Variants in GLB1L3 observed in about 807,000 individuals in gnomAD.
The protein encoded by GLB1L3 is galactosidase beta 1 like 3.
In GLB1L3, 89 loss-of-function variants were observed where a neutral mutation model predicts 89.5. That is an observed-to-expected ratio of 0.99 (90% CI 0.84 to 1.19). The LOEUF is 1.19. Ranked by LOEUF, GLB1L3 falls within the 50% of genes most tolerant of loss-of-function variation. GLB1L3 has a pLI of 0.00. For missense variants in GLB1L3, 812 were observed against 813.3 expected, an observed-to-expected ratio of 1.00 and a Z score of 0.02; for synonymous variants, 314 against 312.3, an observed-to-expected ratio of 1.01 and a Z score of -0.06.
At chr11:134,321,392 A>G (rs1222736958), downstream of GLB1L3, among the ~76,000 whole-genome samples, 1 of 152,216 alleles carries the variant, frequency 6.6e-6, no homozygotes, top group Non-Finnish European at 1.5e-5. Context: ...CCAATAAAAG[A>G]CAAAAGATAG....
intron 5 of GLB1L3, among the ~76,000 whole-genome samples, chr11:134,283,223 C>T (rs1425163171): frequency 3.9e-5 from 6 of 152,118 alleles, no homozygotes; most frequent in South Asian, 2.1e-4. Context: ...CCACCACACC[C>T]GGCTAATTTC....
At chr11:134,279,701 A>G (rs1165614674) in intron 3 of GLB1L3, among the ~76,000 whole-genome samples, 2 of 151,782 alleles carry the variant, frequency 1.3e-5, no homozygotes, top group Non-Finnish European at 2.9e-5. Context: ...GACTTAAGAA[A>G]TTTTTCCTTT....
At chr11:134,311,407 A>G (rs1043652766) in intron 13 of GLB1L3, 3 of 503,082 alleles carry the variant, frequency 6.0e-6, no homozygotes. Flanking sequence ...GTTCCCGCTT[A>G]GATGAACCTG....
intron 7 of GLB1L3, among the ~76,000 whole-genome samples, chr11:134,290,137 G>A (rs1941263301): frequency 6.6e-6 from 1 of 152,364 alleles, no homozygotes; most frequent in East Asian, 1.9e-4. Flanking sequence ...TCTTTTCCCA[G>A]GGGACGCGTG....
chr11:134,303,594 A>G (rs1942048277), intron 9 of GLB1L3, among the ~76,000 whole-genome samples: 1 of 152,210 alleles, frequency 6.6e-6, no homozygotes, highest in African/African-American at 2.4e-5. Flanking sequence ...CCTGGATTGT[A>G]CAAGTGCCTC....
chr11:134,313,486 C>T lies in GLB1L3; in HGVS notation c.1579+12C>T. On this transcript the variant is annotated intron_variant, in intron 16 of 19. Coordinates refer to ENST00000431683, the MANE Select transcript of GLB1L3 (RefSeq NM_001080407.3). ...GAATGAGCAGAAAGGTGGGCTCTGG[C>T]TGTGGCTTCTCCTCAGTTGCTCAGA... is the stretch of plus-strand genomic sequence containing the variant. The T allele has an allele frequency of 6.5e-7, 1 of 1,550,214 alleles. No homozygotes were observed. The highest frequency in any genetic ancestry group is 8.7e-7 in the Non-Finnish European group (1 of 1,145,302).
intron 17 of GLB1L3, 86 bp from the exon 18 acceptor site, chr11:134,314,244 G>C (rs934599475): frequency 1.1e-5 from 10 of 893,010 alleles, no homozygotes; most frequent in Non-Finnish European, 1.6e-5. Context: ...AGAACCTTAG[G>C]CTCGGCCCAC....
chr11:134,296,854 A>AATAAT (rs1941677947), intron 9 of GLB1L3, among the ~76,000 whole-genome samples: 1 of 132,694 alleles, frequency 7.5e-6, no homozygotes, highest in South Asian at 2.6e-4. Context: ...TAATAATAAT[A>AATAAT]ATAATAATAA....
Position 134,309,627 on chromosome 11 carries a change from G to A in GLB1L3, c.963G>A (p.Glu321=), listed in dbSNP as rs750537017. 5 of 1,597,386 alleles carry A rather than the reference G, an allele frequency of 3.1e-6. No individual in the cohort carries two copies. Among genetic ancestry groups the A allele is most frequent in the East Asian group, 2.2e-5 (1 of 44,542 alleles). ...GDKHHVKDAK[E]VEHAVSEFIK... is the part of the protein sequence containing the mutation. Reference sequence around the variant, plus strand: ...GTGTTCTCATGTTCCCCTTTGCAGAGGTTGAACATGCTGTGTCTGAATTCA... The same window carrying A: ...GTGTTCTCATGTTCCCCTTTGCAGAAGTTGAACATGCTGTGTCTGAATTCA... Residue 321 remains glutamate, a splice_region_variant and synonymous_variant, in exon 11 of 20, where the codon GAG becomes GAA. Transcript: ENST00000431683.
intron 8 of GLB1L3, 58 bp downstream of exon 8, chr11:134,292,271 C>A: frequency 1.6e-6 from 2 of 1,260,764 alleles, no homozygotes; most frequent in Non-Finnish European, 1.1e-6. Context: ...CCGTGTAAAT[C>A]TTGAACACAC....
intron 3 of GLB1L3, among the ~76,000 whole-genome samples, chr11:134,278,665 T>A (rs1054096871): frequency 6.6e-6 from 1 of 152,180 alleles, no homozygotes; most frequent in African/African-American, 2.4e-5. Context: ...CACCATTTTG[T>A]GGCAAGCTTA....
At chr11:134,296,882 A>G (rs1027511969) in intron 9 of GLB1L3, among the ~76,000 whole-genome samples, 1 of 151,076 alleles carries the variant, frequency 6.6e-6, no homozygotes, top group Non-Finnish European at 1.5e-5. Flanking sequence ...CAAACAAAAA[A>G]AGAAAATAAT....
At chr11:134,297,778 T>G (rs1388222646) in intron 9 of GLB1L3, among the ~76,000 whole-genome samples, 1 of 145,120 alleles carries the variant, frequency 6.9e-6, no homozygotes, top group Non-Finnish European at 1.5e-5. Flanking sequence ...GAGAATCGCT[T>G]GAACCCAGGA....
rs1591585517 is a variant in GLB1L3, at chr11:134,310,389, G to A, written c.1100-182G>A. 3 of 587,402 alleles carry A rather than the reference G, an allele frequency of 5.1e-6. No individual in the cohort carries two copies. The East Asian group carries it at 8.3e-5, about 16-fold the overall frequency. The allele number at this position is 587,402 out of a possible 1,614,324, so 36.4% of individuals were successfully genotyped here. A position where few individuals can be genotyped will look rare whatever the true frequency, so the allele number is the denominator to read the frequency against. On this transcript the variant is annotated intron_variant, in intron 11 of 19. Coordinates refer to ENST00000431683, the MANE Select transcript of GLB1L3 (RefSeq NM_001080407.3). ...TCATGGCTTGACACTGGAAGCCAGT[G>A]GAAGGTGCCCAGGAAGAGTTGTGGG...
chr11:134,310,538 G>C, intron 11 of GLB1L3, 33 bp from the exon 12 acceptor site: 1 of 1,561,114 alleles, frequency 6.4e-7, no homozygotes, highest in South Asian at 1.1e-5. Context: ...TGCAGAGACT[G>C]CATGGCTGGT....
At chr11:134,320,038 A>C (rs141863866), downstream of GLB1L3, among the ~76,000 whole-genome samples, 1 of 152,220 alleles carries the variant, frequency 6.6e-6, no homozygotes, top group East Asian at 1.9e-4. Context: ...GAATATTCCA[A>C]CCACTATGAA....
At chr11:134,316,980 G>C (rs1030262618) in intron 18 of GLB1L3, 1 of 150,742 alleles carries the variant, frequency 6.6e-6, no homozygotes, top group Admixed American at 6.6e-5. Flanking sequence ...GGCGCCATTT[G>C]GCAGGTAGTA....
At chr11:134,297,003 G>A (rs1941690314) in intron 9 of GLB1L3, among the ~76,000 whole-genome samples, 1 of 151,906 alleles carries the variant, frequency 6.6e-6, no homozygotes, top group Non-Finnish European at 1.5e-5. Flanking sequence ...ATCAATTTTT[G>A]TGAGAGGAAT....
In GLB1L3 at chr11:134,314,173, C is replaced by T. The variant is rs550040920; in HGVS notation, c.1667+145C>T. ...GGTACTTCGGCGTCAGAACTAGGGC[C>T]CTGGAACAAGTGTCCTGATTCTGAT... is the stretch of plus-strand genomic sequence containing the variant. On this transcript the variant is annotated intron_variant, in intron 17 of 19. Transcript: ENST00000431683. 90 of 737,760 alleles carry T rather than the reference C, an allele frequency of 1.2e-4. No individual in the cohort carries two copies. In the South Asian group the frequency reaches 1.5e-3, roughly 12 times the overall value. The allele number at this position is 737,760 out of a possible 1,614,324, so 45.7% of individuals were successfully genotyped here.
Sources: gnomAD v4.1 joint callset for allele counts (sites outside exome capture counted in the v4.1 genomes callset) on GRCh38, gnomAD v4.1.1 for gene constraint, MANE v1.5 for transcripts, NCBI Gene and HGNC (gene_info 2026-07-23, HGNC 2026-07-21) for gene names.